Variants in GRM7 observed in about 807,000 individuals in gnomAD.
The protein encoded by GRM7 is metabotropic glutamate receptor 7.
A neutral mutation model predicts 84.5 loss-of-function variants in GRM7; 35 were observed. That is an observed-to-expected ratio of 0.41 (90% CI 0.32 to 0.55). The LOEUF is 0.55. Ranked by LOEUF, GRM7 falls within the 20% of genes least tolerant of loss-of-function variation. The probability of loss-of-function intolerance (pLI) is 0.19; values close to 1 mark genes in which losing one functional copy is unlikely to be tolerated. For synonymous variants in GRM7, 487 were observed against 455.1 expected, an observed-to-expected ratio of 1.07 and a Z score of -0.89; for missense variants, 1,003 against 1,194.6, an observed-to-expected ratio of 0.84 and a Z score of 2.36.
At chr3:7,144,871 T>G (rs1694059706) in intron 1 of GRM7, among the ~76,000 whole-genome samples, 1 of 152,168 alleles carries the variant, frequency 6.6e-6, no homozygotes, top group Non-Finnish European at 1.5e-5. Context: ...TCACACTGGC[T>G]TTGAATTAAG....
chr3:6,877,568 C>T (rs749987603), intron 1 of GRM7, among the ~76,000 whole-genome samples: 18 of 152,146 alleles, frequency 1.2e-4, no homozygotes, highest in Non-Finnish European at 2.4e-4. Context: ...GGCAATGGGG[C>T]CTAGCATCAC....
At chr3:7,385,911 A>G (rs1291922196) in intron 4 of GRM7, among the ~76,000 whole-genome samples, 1 of 152,238 alleles carries the variant, frequency 6.6e-6, no homozygotes, top group Admixed American at 6.5e-5. Flanking sequence ...TTCTAATGGA[A>G]TGCATTCATA....
chr3:6,864,264 A>G (rs546087746), intron 1 of GRM7, among the ~76,000 whole-genome samples: 2 of 152,336 alleles, frequency 1.3e-5, no homozygotes, highest in South Asian at 2.1e-4. Context: ...GTAGCTTGGG[A>G]TGCATGCAAG....
intron 7 of GRM7, among the ~76,000 whole-genome samples, chr3:7,509,147 C>T (rs1043372624): frequency 2.0e-5 from 3 of 152,086 alleles, no homozygotes; most frequent in Admixed American, 6.6e-5. Context: ...CACTTAGTAA[C>T]GATCTCAGTT....
intron 4 of GRM7, among the ~76,000 whole-genome samples, chr3:7,387,171 A>G (rs1694817759): frequency 6.6e-6 from 1 of 152,092 alleles, no homozygotes; most frequent in Admixed American, 6.6e-5. Context: ...TAAGTTCCTC[A>G]TACATTCTGG....
chr3:7,142,625 T>C (rs1162520231), intron 1 of GRM7, among the ~76,000 whole-genome samples: 1 of 152,136 alleles, frequency 6.6e-6, no homozygotes. Context: ...TAGTTCTTGA[T>C]GCAATTTGGG....
At chr3:7,514,711 C>A (rs1187394610) in intron 7 of GRM7, among the ~76,000 whole-genome samples, 2 of 152,174 alleles carry the variant, frequency 1.3e-5, no homozygotes, top group African/African-American at 4.8e-5. Flanking sequence ...ATTTGCAGAA[C>A]TGAATAATTA....
chr3:6,921,986 G>A (rs908544773), intron 1 of GRM7, among the ~76,000 whole-genome samples: 5 of 152,140 alleles, frequency 3.3e-5, no homozygotes, highest in African/African-American at 9.7e-5. Context: ...CATGGTTGTT[G>A]GTCAATAAAG....
Position 7,486,541 on chromosome 3 carries a change from A to C in GRM7, c.1515+24819A>C, listed in dbSNP as rs1228875200. Among the ~76,000 whole-genome samples, 3 of 152,146 alleles carry C rather than the reference A, an allele frequency of 2.0e-5. No individual in the cohort carries two copies. Among genetic ancestry groups the C allele is most frequent in the Non-Finnish European group, 2.9e-5 (2 of 68,024 alleles). Reference sequence around the variant, plus strand: ...GCTTTCCTGGACTGGATTATTTGCCAGAAAAGTGGGGTGCTATACAGCAAG... The same window carrying C: ...GCTTTCCTGGACTGGATTATTTGCCCGAAAAGTGGGGTGCTATACAGCAAG... On this transcript the variant is annotated intron_variant, in intron 7 of 9. Coordinates refer to ENST00000357716, the MANE Select transcript of GRM7 (RefSeq NM_000844.4). This position sits in a 1 kb window ranked among gnomAD's most constrained non-coding sequence, Gnocchi z 5.5.
intron 4 of GRM7, among the ~76,000 whole-genome samples, chr3:7,323,878 T>A (rs1435464975): frequency 6.6e-6 from 1 of 152,190 alleles, no homozygotes. Context: ...TAATTTGATC[T>A]ACTAGTTGGT....
At chr3:7,331,071 G>A (rs1401091637) in intron 4 of GRM7, among the ~76,000 whole-genome samples, 1 of 152,122 alleles carries the variant, frequency 6.6e-6, no homozygotes, top group South Asian at 2.1e-4. Flanking sequence ...ATCACCTTAT[G>A]TGTTACCTGT....
rs79442300 is a variant in GRM7 at position 7,155,484 on chromosome 3, G to A, written c.736+8816G>A. 3.7e-4 allele frequency among the ~76,000 whole-genome samples: 56 copies of A among 151,994 alleles called. 3 individuals are homozygous for A. In the East Asian group the frequency reaches 0.01, roughly 28 times the overall value. Reference sequence around the variant, plus strand: ...AAACAGAGGCATGAAAGTGGGCATCGGAATTAGTCAAATGGAGAGTTCTGA... The same window carrying A: ...AAACAGAGGCATGAAAGTGGGCATCAGAATTAGTCAAATGGAGAGTTCTGA... On this transcript the variant is annotated intron_variant, in intron 2 of 9. Coordinates refer to ENST00000357716, the MANE Select transcript of GRM7 (RefSeq NM_000844.4).
chr3:7,439,732 C>T (rs771944874), intron 5 of GRM7, among the ~76,000 whole-genome samples: 8 of 152,204 alleles, frequency 5.3e-5, no homozygotes, highest in Admixed American at 5.2e-4. Context: ...GGGGAAAATA[C>T]TTCTGCTTAA....
intron 7 of GRM7, among the ~76,000 whole-genome samples, chr3:7,550,577 C>CTG (rs369817211): frequency 0.034 from 1,800 of 52,968 alleles, 32 homozygotes; most frequent in Non-Finnish European, 0.051. Flanking sequence ...CTCTCTCTCT[C>CTG]TGTGTGTGTG....
At chr3:7,253,687 C>A (rs1374220177) in intron 2 of GRM7, among the ~76,000 whole-genome samples, 1 of 151,756 alleles carries the variant, frequency 6.6e-6, no homozygotes, top group Non-Finnish European at 1.5e-5. Context: ...TATTTGTTTT[C>A]CCACCTTATA....
chr3:7,719,534 T>G (rs1168716203), intron 9 of GRM7, among the ~76,000 whole-genome samples: 1 of 152,018 alleles, frequency 6.6e-6, no homozygotes, highest in Non-Finnish European at 1.5e-5. Flanking sequence ...AACCTACAGC[T>G]GGGCGCGGTG....
chr3:7,608,642 T>C (rs749240641), intron 8 of GRM7, among the ~76,000 whole-genome samples: 4 of 152,150 alleles, frequency 2.6e-5, no homozygotes, highest in Non-Finnish European at 5.9e-5. Flanking sequence ...GGTTTGCAAA[T>C]ATTTTCTTCC....
At chr3:7,343,785 T>C (rs1054272872) in intron 4 of GRM7, among the ~76,000 whole-genome samples, 11 of 152,318 alleles carry the variant, frequency 7.2e-5, no homozygotes, top group Admixed American at 7.2e-4. Flanking sequence ...CTCCTGATGA[T>C]TGAGATCTGT....
chr3:6,887,811 C>T lies in GRM7; in HGVS notation c.519+25904C>T, dbSNP rs950997083. 2.6e-5 allele frequency among the ~76,000 whole-genome samples: 4 copies of T among 152,196 alleles called. No individual in the cohort carries two copies. In the South Asian group the frequency reaches 8.3e-4, roughly 31 times the overall value. Reference sequence around the variant, plus strand: ...GATCCTTGAGGAATGGCCACACTGTCTTCCACAATGGTTGAACTAATTTAT... The same window carrying T: ...GATCCTTGAGGAATGGCCACACTGTTTTCCACAATGGTTGAACTAATTTAT... On this transcript the variant is annotated intron_variant, in intron 1 of 9. Coordinates refer to ENST00000357716, the MANE Select transcript of GRM7 (RefSeq NM_000844.4).
Sources: gnomAD v4.1 joint callset for allele counts (sites outside exome capture counted in the v4.1 genomes callset) on GRCh38, gnomAD v4.1.1 for gene constraint, Gnocchi (gnomAD v3.1) non-coding constraint, MANE v1.5 for transcripts, NCBI Gene and HGNC (gene_info 2026-07-23, HGNC 2026-07-21) for gene names.